Variants in RBFOX1 observed in about 807,000 individuals in gnomAD.
The protein encoded by RBFOX1 is RNA binding fox-1 homolog 1.
A neutral mutation model predicts 57.7 loss-of-function variants in RBFOX1; 8 were observed. The observed-to-expected ratio is 0.14, with a 90% confidence interval of 0.08 to 0.25. RBFOX1 has a LOEUF of 0.25. RBFOX1 is among the 10% of genes least tolerant of loss of function. The pLI is 1.00. For missense variants in RBFOX1, 611 were observed against 548.5 expected (o/e 1.11, Z -1.14); for synonymous variants, 326 against 222.4 (o/e 1.47, Z -4.15).
At chr16:5,259,754 G>A (rs761604494) in intron 1 of RBFOX1, among the ~76,000 whole-genome samples, 2 of 152,142 alleles carry the variant, frequency 1.3e-5, no homozygotes, top group African/African-American at 4.8e-5. Context: ...AATGGAGCCG[G>A]GTTATGGATC....
intron 2 of RBFOX1, among the ~76,000 whole-genome samples, chr16:6,584,340 C>CATTATTATTATTATTATT: frequency 7.3e-6 from 1 of 136,786 alleles, no homozygotes; most frequent in East Asian, 2.2e-4. Flanking sequence ...GTTTTATTTT[C>CATTATTATTATTATTATT]ATTATTATTA....
At chr16:7,148,511 A>G (rs2075482581) in intron 4 of RBFOX1, among the ~76,000 whole-genome samples, 1 of 152,230 alleles carries the variant, frequency 6.6e-6, no homozygotes, top group African/African-American at 2.4e-5. Context: ...GGCTGTATAC[A>G]TTTAACATAT....
intron 1 of RBFOX1, among the ~76,000 whole-genome samples, chr16:5,436,938 C>G (rs367896571): frequency 1.6e-4 from 24 of 152,266 alleles, no homozygotes; most frequent in African/African-American, 5.5e-4. Context: ...GTCTTTTCCC[C>G]CATAGAGAGA....
intron 3 of RBFOX1, among the ~76,000 whole-genome samples, chr16:5,796,793 C>T (rs1024268976): frequency 2.0e-5 from 3 of 152,180 alleles, no homozygotes; most frequent in Admixed American, 2.0e-4. Flanking sequence ...TGCTTCCAAA[C>T]GTGGTGTTCT....
chr16:5,423,415 T>C (rs1395337860), intron 1 of RBFOX1, among the ~76,000 whole-genome samples: 2 of 152,186 alleles, frequency 1.3e-5, no homozygotes, highest in Admixed American at 1.3e-4. Flanking sequence ...TTCAGAACTG[T>C]TCGATCACCA....
At chr16:6,500,899 T>TGTTTG (rs1567459918) in intron 2 of RBFOX1, among the ~76,000 whole-genome samples, 1 of 147,104 alleles carries the variant, frequency 6.8e-6, no homozygotes, top group Non-Finnish European at 1.5e-5. Context: ...TTTTTTTTTT[T>TGTTTG]TTAATGCTGA....
intron 4 of RBFOX1, among the ~76,000 whole-genome samples, chr16:7,275,630 G>A (rs1364010692): frequency 6.6e-6 from 1 of 152,198 alleles, no homozygotes; most frequent in South Asian, 2.1e-4. Flanking sequence ...TGAAATCTGT[G>A]CAAATGATGA....
chr16:7,141,483 G>C (rs2073773709), intron 4 of RBFOX1, among the ~76,000 whole-genome samples: 2 of 152,298 alleles, frequency 1.3e-5, no homozygotes, highest in South Asian at 2.1e-4. Flanking sequence ...AGCAGTCAAT[G>C]AGAGCATAAA....
At chr16:5,716,671 A>G (rs1355315478) in intron 3 of RBFOX1, among the ~76,000 whole-genome samples, 3 of 152,224 alleles carry the variant, frequency 2.0e-5, no homozygotes, top group Non-Finnish European at 4.4e-5. Context: ...AGGCCCAAAG[A>G]CAGGAATACC....
At chr16:6,927,939 C>G (rs757425247) in intron 3 of RBFOX1, among the ~76,000 whole-genome samples, 2 of 152,160 alleles carry the variant, frequency 1.3e-5, no homozygotes, top group Non-Finnish European at 2.9e-5. Flanking sequence ...TGGCATTGGT[C>G]ATAATCTTGA....
intron 4 of RBFOX1, among the ~76,000 whole-genome samples, chr16:7,270,678 C>G (rs1456629486): frequency 5.9e-5 from 9 of 152,174 alleles, no homozygotes; most frequent in Admixed American, 5.9e-4. Context: ...TCTACCTTCT[C>G]TTTAAAAATG....
chr16:6,338,606 CT>C (rs1331671477), intron 2 of RBFOX1, among the ~76,000 whole-genome samples: 3 of 152,308 alleles, frequency 2.0e-5, no homozygotes, highest in South Asian at 4.1e-4. Context: ...TCTTGGCTTT[CT>C]CTTAAAGAGT....
intron 2 of RBFOX1, among the ~76,000 whole-genome samples, chr16:6,385,299 C>T (rs576223137): frequency 6.6e-6 from 1 of 152,206 alleles, no homozygotes; most frequent in African/African-American, 2.4e-5. Flanking sequence ...TACGTCCCAG[C>T]TGTGCCCATG....
intron 1 of RBFOX1, among the ~76,000 whole-genome samples, chr16:5,407,002 G>A (rs147071956): frequency 1.3e-5 from 2 of 152,300 alleles, no homozygotes; most frequent in East Asian, 3.9e-4. Flanking sequence ...GCTATATAAA[G>A]ATACTACCCT....
At chr16:5,375,507 G>C (rs189714426) in intron 1 of RBFOX1, among the ~76,000 whole-genome samples, 1 of 152,186 alleles carries the variant, frequency 6.6e-6, no homozygotes, top group Non-Finnish European at 1.5e-5. Flanking sequence ...GGGCCAGGGG[G>C]CAGGGGAGGG....
At chr16:6,150,412 C>G (rs903402185) in intron 1 of RBFOX1, among the ~76,000 whole-genome samples, 5 of 151,954 alleles carry the variant, frequency 3.3e-5, no homozygotes, top group Non-Finnish European at 1.5e-5. Context: ...ACAACAGTGC[C>G]CAGGTGAGAA....
intron 4 of RBFOX1, among the ~76,000 whole-genome samples, chr16:5,975,463 C>G (rs1485890665): frequency 6.6e-6 from 1 of 152,178 alleles, no homozygotes; most frequent in Non-Finnish European, 1.5e-5. Flanking sequence ...GTGCTTATAA[C>G]TCATAAAGTT....
chr16:6,988,599 G>A (rs2090800995), intron 3 of RBFOX1, among the ~76,000 whole-genome samples: 1 of 151,344 alleles, frequency 6.6e-6, no homozygotes, highest in East Asian at 1.9e-4. Flanking sequence ...TTGGGACCGA[G>A]TCTTGCTCTG....
chr16:6,123,137 A>G (rs1416700223), intron 1 of RBFOX1, among the ~76,000 whole-genome samples: 3 of 152,202 alleles, frequency 2.0e-5, no homozygotes, highest in Admixed American at 6.5e-5. Flanking sequence ...ATGATGCAGC[A>G]TTTCCATTCC....
Sources: allele counts gnomAD v4.1 joint callset (sites outside exome capture counted in the v4.1 genomes callset), GRCh38; gene constraint gnomAD v4.1.1; transcripts MANE v1.5; gene names NCBI Gene and HGNC (gene_info 2026-07-23, HGNC 2026-07-21).